CR1L: variants seen among roughly 807,000 people sequenced by gnomAD.
The protein encoded by CR1L is complement C3b/C4b receptor 1 like.
In CR1L, 59 loss-of-function variants were observed where a neutral mutation model predicts 62.3. That is an observed-to-expected ratio of 0.95 (90% CI 0.77 to 1.18). The LOEUF (loss-of-function observed/expected upper bound fraction) is 1.18. CR1L is among the 50% of genes most tolerant of loss of function. CR1L has a pLI of 0.00. For synonymous variants in CR1L, 279 were observed against 248.7 expected (o/e 1.12, Z -1.15); for missense variants, 700 against 702.8 (o/e 1.00, Z 0.04).
rs541500229 is a variant in CR1L at position 207,722,214 on chromosome 1, ATTTTGTC to A, written c.1643-1397_1643-1391del. ...TAGTTTAATTAGATCCCATTTGTCA[ATTTTGTC>A]TTTTGTTGCCGTTGCTTTTGGTGTT... On this transcript the variant is annotated intron_variant, in intron 11 of 11. Coordinates refer to ENST00000508064, the MANE Select transcript of CR1L (RefSeq NM_175710.2). Among the ~76,000 whole-genome samples the A allele has an allele frequency of 1.5e-3, 162 of 109,226 alleles. 5 individuals carry two copies. The East Asian group carries it at 0.03, about 20-fold the overall frequency. The allele number at this position is 109,226 out of a possible 152,430, so 71.7% of individuals were successfully genotyped here.
At chr1:207,706,429 GAA>G (rs1314522773) in intron 9 of CR1L, among the ~76,000 whole-genome samples, 1 of 151,502 alleles carries the variant, frequency 6.6e-6, no homozygotes. Flanking sequence ...TAAAAAAAAA[GAA>G]AAAGAGAAGA....
chr1:207,710,236 C>G, intron 10 of CR1L: 1 of 577,254 alleles, frequency 1.7e-6, no homozygotes, highest in Non-Finnish European at 3.2e-6. Context: ...CCCAGCTACT[C>G]GGGAGGTTGA....
At chr1:207,668,747 A>G (rs573766358) in intron 1 of CR1L, among the ~76,000 whole-genome samples, 2 of 151,052 alleles carry the variant, frequency 1.3e-5, no homozygotes, top group East Asian at 3.9e-4. Flanking sequence ...TTCCATCTCC[A>G]ATATCTTTGT....
intron 1 of CR1L, among the ~76,000 whole-genome samples, chr1:207,662,356 T>C (rs1339453017): frequency 6.6e-6 from 1 of 152,188 alleles, no homozygotes; most frequent in Non-Finnish European, 1.5e-5. Context: ...CTTTTTATTC[T>C]TTTTTCTCTA....
chr1:207,646,941 G>T (rs1158090189), intron 1 of CR1L, among the ~76,000 whole-genome samples: 1 of 152,080 alleles, frequency 6.6e-6, no homozygotes, highest in Non-Finnish European at 1.5e-5. Flanking sequence ...ACAAATATGG[G>T]TCTTGTATGT....
chr1:207,652,525 G>A, intron 1 of CR1L: 3 of 1,340,756 alleles, frequency 2.2e-6, no homozygotes, highest in African/African-American at 2.9e-5. Context: ...TCATCTTCAT[G>A]TTCCTATTCT....
chr1:207,683,833 T>C, intron 3 of CR1L, 39 bp from the exon 4 acceptor site: 1 of 1,571,910 alleles, frequency 6.4e-7, no homozygotes, highest in Non-Finnish European at 8.7e-7. Context: ...AGTTGACCTG[T>C]GTATTTAGAA....
At chr1:207,672,911 C>T (rs1167863946) in intron 1 of CR1L, among the ~76,000 whole-genome samples, 4 of 152,112 alleles carry the variant, frequency 2.6e-5, no homozygotes, top group Admixed American at 6.5e-5. Flanking sequence ...CACATTCGGA[C>T]AGGCAACATC....
At chr1:207,654,142 C>T (rs1276932324) in intron 1 of CR1L, among the ~76,000 whole-genome samples, 1 of 152,200 alleles carries the variant, frequency 6.6e-6, no homozygotes, top group Non-Finnish European at 1.5e-5. Context: ...CCTCTCACTG[C>T]TGTTACACTG....
intron 1 of CR1L, among the ~76,000 whole-genome samples, chr1:207,676,495 T>G (rs1203269191): frequency 1.3e-5 from 2 of 152,144 alleles, no homozygotes; most frequent in African/African-American, 4.8e-5. Flanking sequence ...GCATGTTCCC[T>G]ATGAGAATCT....
chr1:207,691,780 A>G (rs1663999770), intron 4 of CR1L, among the ~76,000 whole-genome samples: 1 of 152,206 alleles, frequency 6.6e-6, no homozygotes, highest in Non-Finnish European at 1.5e-5. Context: ...ATTTAATTCC[A>G]TTTGTGTCCT....
chr1:207,718,530 T>A (rs1654060400), intron 11 of CR1L, among the ~76,000 whole-genome samples: 1 of 152,154 alleles, frequency 6.6e-6, no homozygotes, highest in African/African-American at 2.4e-5. Context: ...TGAGCAATTC[T>A]CCTGCCTCAG....
At chr1:207,649,189 G>T (rs2102437417) in intron 1 of CR1L, among the ~76,000 whole-genome samples, 1 of 152,320 alleles carries the variant, frequency 6.6e-6, no homozygotes, top group Admixed American at 6.5e-5. Flanking sequence ...GAAGACAAGA[G>T]CTGAGCAGGA....
At chr1:207,678,362 T>C in intron 3 of CR1L, 65 bp downstream of exon 3, 2 of 1,353,084 alleles carry the variant, frequency 1.5e-6, no homozygotes, top group Non-Finnish European at 2.1e-6. Context: ...CATACTACCT[T>C]CTAGTCACAT....
At chr1:207,706,037 AT>A (rs1558024081) in intron 9 of CR1L, among the ~76,000 whole-genome samples, 116 of 147,914 alleles carry the variant, frequency 7.8e-4, no homozygotes, top group African/African-American at 2.6e-3. Flanking sequence ...ATATATATAT[AT>A]ATATATAAAA....
chr1:207,646,914 T>C (rs982753013), intron 1 of CR1L, among the ~76,000 whole-genome samples: 3 of 152,204 alleles, frequency 2.0e-5, no homozygotes, highest in African/African-American at 7.2e-5. Context: ...ATTTCTTCTC[T>C]TAGGAACATT....
At chr1:207,687,638 T>C (rs956216866) in intron 4 of CR1L, among the ~76,000 whole-genome samples, 1 of 152,218 alleles carries the variant, frequency 6.6e-6, no homozygotes, top group Non-Finnish European at 1.5e-5. Flanking sequence ...CAGTGTTATA[T>C]TTGGAAGTCA....
chr1:207,677,263 G>T, intron 1 of CR1L, 126 bp from the exon 2 acceptor site: 2 of 917,148 alleles, frequency 2.2e-6, no homozygotes, highest in Non-Finnish European at 2.9e-6. Context: ...GCAGAGGATC[G>T]CACCACTGCA....
chr1:207,690,289 T>G, intron 4 of CR1L, among the ~76,000 whole-genome samples: 1 of 152,206 alleles, frequency 6.6e-6, no homozygotes, highest in East Asian at 1.9e-4. Context: ...TTTATTATCA[T>G]TGTACATAAA....
Sources: gnomAD v4.1 joint callset for allele counts (sites outside exome capture counted in the v4.1 genomes callset) on GRCh38, gnomAD v4.1.1 for gene constraint, MANE v1.5 for transcripts, NCBI Gene and HGNC (gene_info 2026-07-23, HGNC 2026-07-21) for gene names.